Variants in NAV3 observed in about 807,000 individuals in gnomAD.
NAV3 encodes the protein neuron navigator 3.
Under a neutral mutation model 244.7 loss-of-function variants are expected in NAV3, and 87 were observed. The ratio of observed to expected loss-of-function variants is 0.36; its 90% CI spans 0.30 to 0.42. NAV3 has a LOEUF of 0.42. NAV3 is among the 20% of genes least tolerant of loss of function. NAV3 has a pLI of 1.00. For missense variants in NAV3, 2,663 were observed against 2,893.3 expected (o/e 0.92, Z 1.83); for synonymous variants, 1,126 against 1,042.2 (o/e 1.08, Z -1.55).
intron 3 of NAV3, among the ~76,000 whole-genome samples, chr12:77,942,189 A>G (rs927750013): frequency 1.3e-5 from 2 of 152,154 alleles, no homozygotes; most frequent in South Asian, 2.1e-4. Flanking sequence ...CCTGACCAAC[A>G]TGGAGAAATC....
chr12:77,733,631 A>G (rs565225658), intron 2 of NAV3, among the ~76,000 whole-genome samples: 1 of 152,152 alleles, frequency 6.6e-6, no homozygotes, highest in East Asian at 1.9e-4. Flanking sequence ...GATTTCGGGG[A>G]AAAAGTTACA....
chr12:77,719,631 C>T (rs910152918), intron 2 of NAV3, among the ~76,000 whole-genome samples: 62 of 151,912 alleles, frequency 4.1e-4, no homozygotes, highest in Non-Finnish European at 7.4e-4. Flanking sequence ...ACCTTGTATC[C>T]CAGAGATAAA....
At chr12:78,155,245 C>T (rs781756191) in intron 22 of NAV3, among the ~76,000 whole-genome samples, 26 of 152,078 alleles carry the variant, frequency 1.7e-4, no homozygotes, top group Admixed American at 3.3e-4. Flanking sequence ...CATCGTTCTA[C>T]TCCCACTTAT....
chr12:78,200,285 T>C (rs908729558), intron 37 of NAV3, among the ~76,000 whole-genome samples, 188 bp from the exon 38 acceptor site: 10 of 152,088 alleles, frequency 6.6e-5, no homozygotes, highest in African/African-American at 2.4e-4. Flanking sequence ...ATATTTATTG[T>C]AAAAAGATAG....
At chr12:78,103,947 A>G (rs563012377) in intron 12 of NAV3, among the ~76,000 whole-genome samples, 1 of 152,346 alleles carries the variant, frequency 6.6e-6, no homozygotes, top group Admixed American at 6.5e-5. Flanking sequence ...GCTTTTAATA[A>G]CACAAACAAA....
chr12:78,206,943 C>T (rs1447917485), intron 39 of NAV3, among the ~76,000 whole-genome samples: 1 of 150,064 alleles, frequency 6.7e-6, no homozygotes, highest in African/African-American at 2.5e-5. Context: ...ACCACAACCT[C>T]CGCCCCCCGA....
intron 2 of NAV3, among the ~76,000 whole-genome samples, chr12:77,607,565 AAG>A (rs1239512991): frequency 6.6e-6 from 1 of 152,036 alleles, no homozygotes; most frequent in African/African-American, 2.4e-5. Flanking sequence ...TAAATTGCCT[AAG>A]AGAGGGGATT....
chr12:78,044,726 CTGTT>C (rs1297209551), intron 9 of NAV3, among the ~76,000 whole-genome samples: 4 of 152,102 alleles, frequency 2.6e-5, no homozygotes, highest in Non-Finnish European at 4.4e-5. Context: ...ATTTGGCTCT[CTGTT>C]TGTCTGTTAT....
chr12:78,075,568 C>T (rs1164415896), intron 12 of NAV3, among the ~76,000 whole-genome samples: 2 of 152,120 alleles, frequency 1.3e-5, no homozygotes, highest in Non-Finnish European at 2.9e-5. Context: ...TGGAGTCTTA[C>T]ATCCAATGCA....
rs192499284 is a variant in NAV3 at position 77,973,986 on chromosome 12, G to A, written c.671+5284G>A. Among the ~76,000 whole-genome samples the A allele has an allele frequency of 3.0e-3, 451 of 152,004 alleles. 2 individuals are homozygous for A. Among genetic ancestry groups the A allele is most frequent in the African/African-American group, 9.5e-3 (395 of 41,470 alleles). ...GAGAGAAATAATTGAAGAGAAAGAA[G>A]TTATTCTTAACTGACTGCATTTGGA... On this transcript the variant is annotated intron_variant, in intron 5 of 39. Coordinates refer to ENST00000397909, the MANE Select transcript of NAV3 (RefSeq NM_001024383.2).
intron 20 of NAV3, among the ~76,000 whole-genome samples, chr12:78,143,607 A>G (rs1193015058): frequency 2.1e-5 from 3 of 141,426 alleles, no homozygotes; most frequent in Non-Finnish European, 4.5e-5. Context: ...CCTGGGCGAC[A>G]AAGCCAAACA....
chr12:78,118,404 T>C, intron 14 of NAV3, 107 bp downstream of exon 14: 1 of 1,402,630 alleles, frequency 7.1e-7, no homozygotes, highest in Non-Finnish European at 9.6e-7. Context: ...CAAATTCTTA[T>C]CCATATTAAA....
At chr12:77,944,022 A>T (rs992951769) in intron 3 of NAV3, among the ~76,000 whole-genome samples, 33 of 151,932 alleles carry the variant, frequency 2.2e-4, no homozygotes, top group Non-Finnish European at 4.3e-4. Flanking sequence ...GTATAATAAC[A>T]TTTGGATGAA....
intron 1 of NAV3, 172 bp from the exon 2 acceptor site, chr12:77,940,147 G>A (rs769752026): frequency 1.3e-4 from 79 of 585,472 alleles, no homozygotes; most frequent in Non-Finnish European, 2.3e-4. Context: ...GATAAGTTGG[G>A]GAAAGAGCTG....
intron 1 of NAV3, among the ~76,000 whole-genome samples, chr12:77,842,634 G>A (rs1013721494): frequency 2.6e-4 from 39 of 151,504 alleles, no homozygotes; most frequent in African/African-American, 9.2e-4. Context: ...TGGAGGTATT[G>A]TGAAACTTCT....
intron 2 of NAV3, among the ~76,000 whole-genome samples, chr12:77,737,269 G>A (rs1268041428): frequency 1.3e-5 from 2 of 149,336 alleles, no homozygotes; most frequent in Admixed American, 6.8e-5. Flanking sequence ...TAGTCTTTGA[G>A]GCCTTTGGAA....
At chr12:78,113,144 G>A (rs1955188359) in intron 12 of NAV3, among the ~76,000 whole-genome samples, 1 of 152,338 alleles carries the variant, frequency 6.6e-6, no homozygotes, top group South Asian at 2.1e-4. Context: ...CTGCCTCTGT[G>A]GCTTTGCAGG....
intron 1 of NAV3, among the ~76,000 whole-genome samples, chr12:77,853,498 T>C (rs1013574887): frequency 2.0e-5 from 3 of 152,182 alleles, no homozygotes; most frequent in Admixed American, 1.3e-4. Flanking sequence ...ATCCAATGTA[T>C]CAATTTTTAT....
chr12:77,828,987 G>A (rs1251654764), upstream of NAV3, among the ~76,000 whole-genome samples: 1 of 152,194 alleles, frequency 6.6e-6, no homozygotes, highest in East Asian at 1.9e-4. Context: ...AAGGGAAGCA[G>A]AATAGTCAGC....
Sources: gnomAD v4.1 joint callset for allele counts (sites outside exome capture counted in the v4.1 genomes callset) on GRCh38, gnomAD v4.1.1 for gene constraint, MANE v1.5 for transcripts, NCBI Gene and HGNC (gene_info 2026-07-23, HGNC 2026-07-21) for gene names.